SUGCT: variants seen among roughly 807,000 people sequenced by gnomAD.
The protein encoded by SUGCT is succinyl-CoA:glutarate-CoA transferase, also known as succinyl-CoA:glutarate CoA-transferase.
SUGCT carries 41 observed loss-of-function variants against 55.0 expected under a neutral mutation model. That is an observed-to-expected ratio of 0.74 (90% CI 0.58 to 0.97). The LOEUF is 0.97. Ranked by LOEUF, SUGCT falls within the 50% of genes least tolerant of loss-of-function variation. The pLI, the probability that SUGCT is intolerant of heterozygous loss-of-function variation, is 0.00. For missense variants in SUGCT, 568 were observed against 547.8 expected, an observed-to-expected ratio of 1.04 and a Z score of -0.37; for synonymous variants, 187 against 200.4, an observed-to-expected ratio of 0.93 and a Z score of 0.56.
At chr7:40,414,846 C>A (rs1165616093) in intron 9 of SUGCT, among the ~76,000 whole-genome samples, 2 of 151,660 alleles carry the variant, frequency 1.3e-5, no homozygotes, top group African/African-American at 4.8e-5. Flanking sequence ...AGTTGGACAC[C>A]AGCCTGGCCA....
intron 13 of SUGCT, among the ~76,000 whole-genome samples, chr7:40,803,164 C>T (rs1341242542): frequency 6.6e-6 from 1 of 152,138 alleles, no homozygotes; most frequent in East Asian, 1.9e-4. Context: ...TTTCTTGTTG[C>T]TCATGGGCAA....
At chr7:40,312,426 C>G (rs562109896) in intron 8 of SUGCT, among the ~76,000 whole-genome samples, 9 of 152,006 alleles carry the variant, frequency 5.9e-5, no homozygotes, top group African/African-American at 2.2e-4. Flanking sequence ...TGCTTCTCAA[C>G]TCTGGTGTGC....
chr7:40,829,169 C>T (rs1792520944), intron 13 of SUGCT, among the ~76,000 whole-genome samples: 1 of 152,198 alleles, frequency 6.6e-6, no homozygotes, highest in Non-Finnish European at 1.5e-5. Context: ...GGAACTCCCC[C>T]ACCCCTTTTC....
intron 12 of SUGCT, among the ~76,000 whole-genome samples, chr7:40,743,079 C>T (rs994964616): frequency 6.6e-6 from 1 of 152,100 alleles, no homozygotes; most frequent in African/African-American, 2.4e-5. Context: ...TTTCCTTTAT[C>T]GATAATGACC....
chr7:40,939,296 C>T, the SUGCT span, among the ~76,000 whole-genome samples: 2 of 152,168 alleles, frequency 1.3e-5, no homozygotes, highest in African/African-American at 4.8e-5. Flanking sequence ...GGAGAAACCA[C>T]CCCCATTATT....
chr7:40,744,691 G>A (rs1309426319), intron 12 of SUGCT, among the ~76,000 whole-genome samples: 1 of 152,156 alleles, frequency 6.6e-6, no homozygotes, highest in Non-Finnish European at 1.5e-5. Flanking sequence ...GTTAATGAGA[G>A]GATTAAATGA....
intron 13 of SUGCT, chr7:40,808,093 T>C (rs562572110): frequency 6.6e-6 from 1 of 152,208 alleles, no homozygotes; most frequent in Admixed American, 6.5e-5. Context: ...TCCAATCAAG[T>C]TGACACTCAG....
intron 12 of SUGCT, among the ~76,000 whole-genome samples, chr7:40,657,879 C>T (rs576511172): frequency 6.6e-5 from 10 of 152,246 alleles, no homozygotes; most frequent in East Asian, 1.9e-4. Flanking sequence ...AAGGACCTAA[C>T]GTGAAAGAAG....
rs1007005981 is a variant in SUGCT, at chr7:40,260,993, C to T, written c.577-13520C>T. On this transcript the variant is annotated intron_variant, in intron 7 of 13. Transcript: ENST00000335693. ...CCACCCCCACTTTTTTTTTCTATCT[C>T]AGTTACTTTTCAGAGTGTTGTGTTC... Among the ~76,000 whole-genome samples, 11 of 151,782 alleles carry T rather than the reference C, an allele frequency of 7.2e-5. No individual in the cohort carries two copies. In the South Asian group the frequency reaches 2.1e-3, roughly 29 times the overall value.
intron 1 of SUGCT, among the ~76,000 whole-genome samples, chr7:40,141,501 G>T (rs1299684216): frequency 6.6e-6 from 1 of 152,060 alleles, no homozygotes; most frequent in Non-Finnish European, 1.5e-5. Flanking sequence ...AGGCGTGGTG[G>T]TGGGCACCTG....
chr7:40,650,165 T>C (rs1468874427), intron 12 of SUGCT, among the ~76,000 whole-genome samples: 3 of 152,108 alleles, frequency 2.0e-5, no homozygotes, highest in Admixed American at 6.5e-5. Flanking sequence ...GCCACGTGGG[T>C]ATCTCAGTTT....
intron 12 of SUGCT, among the ~76,000 whole-genome samples, chr7:40,622,674 C>T (rs1183871173): frequency 6.6e-6 from 1 of 151,352 alleles, no homozygotes; most frequent in Non-Finnish European, 1.5e-5. Context: ...TCAGTTTTAT[C>T]AGCCAATAAC....
intron 12 of SUGCT, among the ~76,000 whole-genome samples, chr7:40,643,521 G>A (rs1800360223): frequency 6.6e-6 from 1 of 152,126 alleles, no homozygotes; most frequent in Non-Finnish European, 1.5e-5. Flanking sequence ...TTACGTTTTT[G>A]TCCCATTCAA....
chr7:40,659,113 C>T (rs1271964015), intron 12 of SUGCT, among the ~76,000 whole-genome samples: 2 of 152,172 alleles, frequency 1.3e-5, no homozygotes, highest in Non-Finnish European at 2.9e-5. Context: ...GGCAGGCTTT[C>T]TCTGATGTTA....
chr7:40,331,639 A>T (rs1796316003), intron 9 of SUGCT, among the ~76,000 whole-genome samples: 1 of 152,146 alleles, frequency 6.6e-6, no homozygotes. Context: ...CAGTTCATCA[A>T]CTGCCAGGAG....
chr7:40,244,415 A>G (rs1789677169), intron 7 of SUGCT, among the ~76,000 whole-genome samples: 1 of 152,194 alleles, frequency 6.6e-6, no homozygotes, highest in Admixed American at 6.6e-5. Context: ...CTGAGAGTTA[A>G]GGTTTCAGGA....
downstream of SUGCT, among the ~76,000 whole-genome samples, chr7:40,864,388 T>C (rs1374378331): frequency 1.3e-5 from 2 of 152,032 alleles, no homozygotes; most frequent in African/African-American, 2.4e-5. Flanking sequence ...CTGACCTCAA[T>C]TGATCCGCCC....
chr7:40,621,369 A>G (rs1006969799), intron 12 of SUGCT, among the ~76,000 whole-genome samples: 1 of 152,156 alleles, frequency 6.6e-6, no homozygotes, highest in Non-Finnish European at 1.5e-5. Flanking sequence ...GAAATCAGCC[A>G]GTGTGGATAT....
intron 12 of SUGCT, among the ~76,000 whole-genome samples, chr7:40,654,041 G>T (rs1355039595): frequency 6.6e-6 from 1 of 151,298 alleles, no homozygotes; most frequent in Non-Finnish European, 1.5e-5. Context: ...TACATAGAAA[G>T]AAGTCAAGAG....
Sources: gnomAD v4.1 joint callset for allele counts (sites outside exome capture counted in the v4.1 genomes callset) on GRCh38, gnomAD v4.1.1 for gene constraint, MANE v1.5 for transcripts, NCBI Gene and HGNC (gene_info 2026-07-23, HGNC 2026-07-21) for gene names.